FBXL7: variants seen among roughly 807,000 people sequenced by gnomAD.
FBXL7 encodes the protein F-box and leucine rich repeat protein 7, also known as F-box/LRR-repeat protein 7.
In FBXL7, 12 loss-of-function variants were observed where a neutral mutation model predicts 38.3. That is an observed-to-expected ratio of 0.31 (90% confidence interval 0.20 to 0.51). The LOEUF is 0.51. Among genes scored for constraint, FBXL7 ranks in the 20% least tolerant of loss-of-function variants. The probability of loss-of-function intolerance (pLI) is 0.98; values close to 1 mark genes in which losing one functional copy is unlikely to be tolerated. For missense variants in FBXL7, 567 were observed against 676.4 expected, an observed-to-expected ratio of 0.84 and a Z score of 1.79; for synonymous variants, 297 against 300.9, an observed-to-expected ratio of 0.99 and a Z score of 0.13.
chr5:15,650,553 A>G (rs1168268710), intron 2 of FBXL7, among the ~76,000 whole-genome samples: 1 of 152,254 alleles, frequency 6.6e-6, no homozygotes, highest in African/African-American at 2.4e-5. Context: ...CTTTCAGGAA[A>G]GTTTCCCCTG....
At chr5:15,513,928 CTT>C (rs1365678248) in intron 1 of FBXL7, among the ~76,000 whole-genome samples, 6 of 151,970 alleles carry the variant, frequency 3.9e-5, no homozygotes, top group East Asian at 1.9e-4. Context: ...TTTTCTCTCT[CTT>C]GAAAGACCTC....
intron 2 of FBXL7, among the ~76,000 whole-genome samples, chr5:15,640,446 A>G (rs541048382): frequency 2.6e-5 from 4 of 152,032 alleles, no homozygotes; most frequent in South Asian, 4.2e-4. Context: ...GGATAATCTC[A>G]TCTTAACTAA....
intron 2 of FBXL7, among the ~76,000 whole-genome samples, chr5:15,649,902 A>G (rs1741650759): frequency 6.6e-6 from 1 of 152,184 alleles, no homozygotes; most frequent in Non-Finnish European, 1.5e-5. Flanking sequence ...CATCCACTTC[A>G]GGTGGTAAGC....
At chr5:15,856,262 G>A (rs1346545472) in intron 2 of FBXL7, among the ~76,000 whole-genome samples, 2 of 151,944 alleles carry the variant, frequency 1.3e-5, no homozygotes, top group African/African-American at 2.4e-5. Flanking sequence ...TGGGGAAACC[G>A]ACCCCATGAT....
chr5:15,533,461 CTG>C (rs1281632702), intron 1 of FBXL7, among the ~76,000 whole-genome samples: 1 of 151,922 alleles, frequency 6.6e-6, no homozygotes, highest in Non-Finnish European at 1.5e-5. Flanking sequence ...TTCAGAGAAA[CTG>C]AAATTAGATA....
intron 2 of FBXL7, among the ~76,000 whole-genome samples, chr5:15,817,424 G>C (rs1178022968): frequency 6.6e-6 from 1 of 152,094 alleles, no homozygotes; most frequent in Non-Finnish European, 1.5e-5. Flanking sequence ...GGATATAACA[G>C]TGATGATCAA....
At chr5:15,870,632 C>T (rs1739914215) in intron 2 of FBXL7, among the ~76,000 whole-genome samples, 1 of 152,136 alleles carries the variant, frequency 6.6e-6, no homozygotes, top group African/African-American at 2.4e-5. Context: ...GTTTTTCTAT[C>T]ACATTTTTAT....
chr5:15,861,729 C>T (rs542092185), intron 2 of FBXL7, among the ~76,000 whole-genome samples: 46 of 152,252 alleles, frequency 3.0e-4, no homozygotes, highest in Admixed American at 4.6e-4. Context: ...GTCCTGAAGT[C>T]GTGGGGTGTT....
chr5:15,924,740 C>T (rs149467018), intron 2 of FBXL7, among the ~76,000 whole-genome samples: 3 of 151,748 alleles, frequency 2.0e-5, no homozygotes, highest in African/African-American at 4.8e-5. Context: ...AATTCACGTG[C>T]CTCACCCTCC....
intron 2 of FBXL7, among the ~76,000 whole-genome samples, chr5:15,841,356 T>A (rs995203094): frequency 6.6e-6 from 1 of 152,168 alleles, no homozygotes; most frequent in Non-Finnish European, 1.5e-5. Context: ...TGTCCCTCCA[T>A]TTATAGTTTG....
At chr5:15,647,121 A>G (rs528069233) in intron 2 of FBXL7, among the ~76,000 whole-genome samples, 18 of 152,366 alleles carry the variant, frequency 1.2e-4, no homozygotes, top group African/African-American at 4.1e-4. Flanking sequence ...GAAGAAAATA[A>G]TTCCAATGTA....
chr5:15,931,936 G>A (rs913038937), intron 3 of FBXL7, among the ~76,000 whole-genome samples: 1 of 152,182 alleles, frequency 6.6e-6, no homozygotes, highest in African/African-American at 2.4e-5. Flanking sequence ...TTTTCTGGGT[G>A]TCTGCCTTTT....
At chr5:15,625,281 T>C (rs1270352284) in intron 2 of FBXL7, among the ~76,000 whole-genome samples, 1 of 152,122 alleles carries the variant, frequency 6.6e-6, no homozygotes, top group Admixed American at 6.5e-5. Flanking sequence ...AATATTTAAG[T>C]TAGTCATTAT....
chr5:15,507,277 T>C (rs749270322), intron 1 of FBXL7, among the ~76,000 whole-genome samples: 2 of 152,176 alleles, frequency 1.3e-5, no homozygotes, highest in South Asian at 2.1e-4. Context: ...CCACTGTTAG[T>C]TTCAAATAAA....
chr5:15,818,457 C>A (rs189530652), intron 2 of FBXL7, among the ~76,000 whole-genome samples: 1 of 132,514 alleles, frequency 7.5e-6, no homozygotes, highest in East Asian at 2.3e-4. Flanking sequence ...CCAAATGAAT[C>A]CTTTCTTTTA....
At chr5:15,698,760 C>A (rs1034131716) in intron 2 of FBXL7, among the ~76,000 whole-genome samples, 7 of 152,138 alleles carry the variant, frequency 4.6e-5, no homozygotes, top group African/African-American at 1.4e-4. Context: ...AAGTATAGAA[C>A]AATTTTCCAT....
At chr5:15,781,160 T>C (rs1235544144) in intron 2 of FBXL7, among the ~76,000 whole-genome samples, 1 of 152,118 alleles carries the variant, frequency 6.6e-6, no homozygotes, top group Non-Finnish European at 1.5e-5. Context: ...CCAATAGAAA[T>C]TGGAACTTAG....
At chr5:15,872,420 T>A (rs901732608) in intron 2 of FBXL7, among the ~76,000 whole-genome samples, 6 of 151,916 alleles carry the variant, frequency 3.9e-5, no homozygotes, top group Non-Finnish European at 8.8e-5. Flanking sequence ...ACAATAACAA[T>A]AACAATAACA....
At chr5:15,876,836 G>A (rs1234403925) in intron 2 of FBXL7, among the ~76,000 whole-genome samples, 1 of 152,180 alleles carries the variant, frequency 6.6e-6, no homozygotes, top group Non-Finnish European at 1.5e-5. Context: ...CTGATAGTTT[G>A]CAGAATGAAA....
Sources: gnomAD v4.1 joint callset for allele counts (sites outside exome capture counted in the v4.1 genomes callset) on GRCh38, gnomAD v4.1.1 for gene constraint, MANE v1.5 for transcripts, NCBI Gene and HGNC (gene_info 2026-07-23, HGNC 2026-07-21) for gene names.